Variants in LAMA5 observed in about 807,000 individuals in gnomAD.
LAMA5 encodes the protein laminin subunit alpha-5.
A neutral mutation model predicts 433.4 loss-of-function variants in LAMA5; 260 were observed. The ratio of observed to expected loss-of-function variants is 0.60; its 90% CI spans 0.54 to 0.66. The LOEUF (loss-of-function observed/expected upper bound fraction) is 0.66, where lower values mean the gene tolerates loss of function less well. Among genes scored for constraint, LAMA5 ranks in the 30% least tolerant of loss-of-function variants. The pLI, the probability that LAMA5 is intolerant of heterozygous loss-of-function variation, is 0.00. For synonymous variants in LAMA5, 2,620 were observed against 2,226.6 expected (o/e 1.18, Z -4.97); for missense variants, 5,378 against 5,258.5 (o/e 1.02, Z -0.70).
chr20:62,338,195 T>TC (rs1172943629), intron 13 of LAMA5, 37 bp downstream of exon 13: 5 of 1,570,548 alleles, frequency 3.2e-6, no homozygotes, highest in South Asian at 1.2e-5. Context: ...CCCACGGGCC[T>TC]CCCCTACCCA....
Position 62,342,688 on chromosome 20 carries a change from C to CA in LAMA5, c.1477+3129dup, listed in dbSNP as rs535674622. On this transcript the variant is annotated intron_variant, in intron 11 of 79. Transcript: ENST00000252999. ...AGCGAGACTCCGTCTCAAACAAAAA[C>CA]AAAAAAACAAAAAAAAAAGAAAAGA... Among the ~76,000 whole-genome samples the CA allele has an allele frequency of 3.4e-4, 49 of 145,050 alleles. No individual in the cohort carries two copies. In the South Asian group the frequency reaches 9.4e-3, roughly 28 times the overall value.
rs1329361437 is a variant in LAMA5 at position 62,325,442 on chromosome 20, C to A, written c.5403G>T (p.Gln1801His). Residue 1801 changes from glutamine (Q) to histidine (H), a missense_variant, in exon 41 of 80, where the codon CAG becomes CAT. Coordinates refer to ENST00000252999, the MANE Select transcript of LAMA5 (RefSeq NM_005560.6). ...TGCGCAGGAAGACAGCCGAGGAGAT[C>A]TGTGAGAAGAGGGCACGGATCTGCA... ...EQLQIRALFS[Q>H]ISSAVFLRRV... The A allele has an allele frequency of 6.2e-7, 1 of 1,612,588 alleles. No individual in the cohort carries two copies.
At position 62,327,337 on chromosome 20, in the gene LAMA5, C is replaced by T. The variant is rs759428251; in HGVS notation, c.5008G>A (p.Gly1670Arg). The T allele has an allele frequency of 1.9e-6, 3 of 1,602,072 alleles. No individual in the cohort carries two copies. The South Asian group carries it at 3.3e-5, about 18-fold the overall frequency. Residue 1670 changes from glycine (G) to arginine (R), a missense_variant, in exon 38 of 80, where the codon GGG (glycine) becomes AGG (arginine). Physicochemically the swap from Gly to Arg is moderately radical, Grantham distance 125. Transcript: ENST00000252999. The stretch of plus-strand genomic sequence containing the variant: ...AGGTCTGCACGGAGCATCTCCGTCC[C>T]TGGCTGCCGCTCGTGGGGCACCACC... ...RQVVPHERQP[G>R]TEMLRADLRH... is the part of the protein sequence containing the mutation.
rs778355164 is a variant in LAMA5, at chr20:62,317,390, T to C, written c.7466A>G (p.Glu2489Gly). 6 of 1,610,002 alleles carry C rather than the reference T, an allele frequency of 3.7e-6. No individual in the cohort carries two copies. The South Asian group carries it at 6.6e-5, about 18-fold the overall frequency. ...GSKLRLVEAA[E>G]AHAQQLGQLA... ...CTGGCCCAGCTGCTGTGCGTGGGCC[T>C]CGGCGGCCTCCACTAGACGCAGCTT... The change falls in exon 55 of 80, where the codon GAG becomes GGG. Residue 2489 changes from glutamate to glycine, a missense_variant. Physicochemically the swap from Glu to Gly is moderately conservative, Grantham distance 98. Transcript: ENST00000252999.
chr20:62,310,868 C>T (rs1256879723), intron 74 of LAMA5, 34 bp downstream of exon 74: 1 of 1,603,778 alleles, frequency 6.2e-7, no homozygotes, highest in South Asian at 1.1e-5. Flanking sequence ...GCTGCCAGGC[C>T]CTGCCCACCA....
At chr20:62,345,748 G>T in intron 11 of LAMA5, 70 bp downstream of exon 11, 1 of 1,117,428 alleles carries the variant, frequency 8.9e-7, no homozygotes, top group Non-Finnish European at 1.3e-6. Context: ...CTTTCTCCAG[G>T]AACTTTCTGT....
In LAMA5 at chr20:62,347,389, G is replaced by T. The variant is rs112598203; in HGVS notation, c.957-361C>A. Among the ~76,000 whole-genome samples, 712 of 152,230 alleles carry T rather than the reference G, an allele frequency of 4.7e-3. 7 individuals are homozygous for T. Among genetic ancestry groups the T allele is most frequent in the African/African-American group, 0.016 (678 of 41,548 alleles). ...TCAGTAGAGTCCCCCTTGCCTGCAG[G>T]TCAGGATGGAGACCTGCGTTCTCCA... On this transcript the variant is annotated intron_variant, in intron 6 of 79. Coordinates refer to ENST00000252999, the MANE Select transcript of LAMA5 (RefSeq NM_005560.6).
chr20:62,323,590 G>A lies in LAMA5; in HGVS notation c.5930C>T (p.Pro1977Leu), dbSNP rs746613947. ...QPCDCSGNGD[P>L]NLLFSDCDPL... is the part of the protein sequence containing the mutation. ...GTCGCAGTCGCTGAAGAGCAAGTTGGGGTCACCGTTGCCGCTGCAGTCGCA... is the reference window on the plus strand; with the variant it reads ...GTCGCAGTCGCTGAAGAGCAAGTTGAGGTCACCGTTGCCGCTGCAGTCGCA... The change falls in exon 45 of 80, where the codon CCC becomes CTC. Residue 1977 changes from proline to leucine, a missense_variant. Coordinates refer to ENST00000252999, the MANE Select transcript of LAMA5 (RefSeq NM_005560.6). 1 of 1,610,524 alleles carries A rather than the reference G, an allele frequency of 6.2e-7. No homozygotes were observed. Among genetic ancestry groups the A allele is most frequent in the East Asian group, 2.2e-5 (1 of 44,776 alleles).
chr20:62,318,512 G>T lies in LAMA5; in HGVS notation c.7181C>A (p.Ala2394Asp). Residue 2394 changes from alanine to aspartate, a missense_variant, in exon 53 of 80, where the codon GCC (alanine) becomes GAC (aspartate). By Grantham distance (126) the Ala-to-Asp change is moderately radical. Coordinates refer to ENST00000252999, the MANE Select transcript of LAMA5 (RefSeq NM_005560.6). ...LREALNRAVD[A>D]TREAQELNSR... ...GTTGAGCTCCTGGGCCTCCCGTGTGGCGTCCACTGCCCGGTTCAAAGCCTC... is the reference window on the plus strand; with the variant it reads ...GTTGAGCTCCTGGGCCTCCCGTGTGTCGTCCACTGCCCGGTTCAAAGCCTC... 6.2e-7 allele frequency: 1 copy of T among 1,609,212 alleles called. No homozygotes were observed.
rs1295724338 is a variant in LAMA5 at position 62,320,657 on chromosome 20, T to A, written c.6661A>T (p.Ser2221Cys). 1.2e-6 allele frequency: 2 copies of A among 1,608,028 alleles called. No individual in the cohort carries two copies. Among genetic ancestry groups the A allele is most frequent in the African/African-American group, 2.7e-5 (2 of 74,852 alleles). Reference protein sequence around the residue: ...SIADLQSQLRSPLGPRHETAQ... With the variant: ...SIADLQSQLRCPLGPRHETAQ... ...GTCTCATGGCGGGGGCCCAGGGGGCTCCGGAGCTGGCTCTGTGGGAGGCGA... is the reference window on the plus strand; with the variant it reads ...GTCTCATGGCGGGGGCCCAGGGGGCACCGGAGCTGGCTCTGTGGGAGGCGA... Residue 2221 changes from serine to cysteine, a missense_variant, in exon 50 of 80, where the codon AGC (serine) becomes TGC (cysteine). Physicochemically the swap from Ser to Cys is moderately radical, Grantham distance 112. Coordinates refer to ENST00000252999, the MANE Select transcript of LAMA5 (RefSeq NM_005560.6).
In LAMA5 at chr20:62,331,087, A is replaced by C. The variant is rs1980305167; in HGVS notation, c.3595T>G (p.Phe1199Val). The change falls in exon 29 of 80, where the codon TTC (phenylalanine) becomes GTC (valine). Residue 1199 changes from phenylalanine to valine, a missense_variant. Coordinates refer to ENST00000252999, the MANE Select transcript of LAMA5 (RefSeq NM_005560.6). ...ATGCAGCTGACCCGGGGCTCCACGA[A>C]CTCCGGGCTGAACTCCTCAATGGGC... ...LVPIEEFSPEFVEPRVSCISS... is the reference protein window; with the variant it reads ...LVPIEEFSPEVVEPRVSCISS... 1.9e-6 allele frequency: 3 copies of C among 1,603,374 alleles called. No homozygotes were observed. Among genetic ancestry groups the C allele is most frequent in the East Asian group, 2.2e-5 (1 of 44,628 alleles).
rs371105777 is a variant in LAMA5, at chr20:62,309,633, GA to G, written c.10948+82del. 46 of 629,162 alleles carry G rather than the reference GA, an allele frequency of 7.3e-5. 2 individuals carry two copies. The highest frequency in any genetic ancestry group is 6.4e-4 in the Admixed American group (14 of 21,734). The allele number at this position is 629,162 out of a possible 1,614,324, so 39.0% of individuals were successfully genotyped here. On this transcript the variant is annotated intron_variant, in intron 79 of 79. Transcript: ENST00000252999. ...GGAGGGTGGGAGGGGGCAGGGGGTG[GA>G]GGGGTGGGGGGAGGGTGGTAGGTTA...
At chr20:62,364,264 G>T (rs1986477298) in intron 1 of LAMA5, among the ~76,000 whole-genome samples, 1 of 152,208 alleles carries the variant, frequency 6.6e-6, no homozygotes, top group Admixed American at 6.5e-5. Context: ...GGGGCCAGGG[G>T]CTCCTGGAGA....
chr20:62,315,649 G>C (rs950225983), intron 58 of LAMA5, among the ~76,000 whole-genome samples: 8 of 152,128 alleles, frequency 5.3e-5, no homozygotes, highest in African/African-American at 1.7e-4. Flanking sequence ...GTGCCCTCCT[G>C]GGTGCCCTTC....
chr20:62,311,581 G>T (rs536879227), intron 71 of LAMA5, 33 bp downstream of exon 71: 78 of 1,609,328 alleles, frequency 4.8e-5, no homozygotes, highest in Non-Finnish European at 5.6e-5. Flanking sequence ...AAGGCCAGCT[G>T]GGACCTTGTC....
rs1568920602 is a variant in LAMA5 at position 62,322,311 on chromosome 20, AC to A, written c.6303del (p.Glu2101AspfsTer108). 1 of 1,599,848 alleles carries A rather than the reference AC, an allele frequency of 6.3e-7. No individual in the cohort carries two copies. Among genetic ancestry groups the A allele is most frequent in the Non-Finnish European group, 8.5e-7 (1 of 1,175,498 alleles). On this transcript the variant is annotated frameshift_variant, in exon 47 of 80. Coordinates refer to ENST00000252999, the MANE Select transcript of LAMA5 (RefSeq NM_005560.6). LOFTEE classifies it high-confidence loss of function. ...RPGTMGPQCR[E>X]CAPGYWGLPE... ...GGGAGCCCCCAGTAGCCAGGGGCAC[AC>A]TCGCGGCACTGGGGTCCCATGGTCC...
intron 45 of LAMA5, 25 bp downstream of exon 45, chr20:62,323,431 G>A: frequency 2.0e-6 from 3 of 1,511,100 alleles, no homozygotes; most frequent in South Asian, 1.2e-5. Context: ...TCCCCAGGGT[G>A]CATCCCTCCC....
At chr20:62,339,547 G>C (rs1195470365) in intron 11 of LAMA5, among the ~76,000 whole-genome samples, 1 of 152,104 alleles carries the variant, frequency 6.6e-6, no homozygotes, top group Non-Finnish European at 1.5e-5. Flanking sequence ...TCAGGTGTTG[G>C]GAAGAAGGTA....
rs866360956 is a variant in LAMA5 at position 62,339,445 on chromosome 20, C to A, written c.1478-837G>T. 4.0e-5 allele frequency among the ~76,000 whole-genome samples: 6 copies of A among 151,898 alleles called. 1 individual carries two copies. Among genetic ancestry groups the A allele is most frequent in the Admixed American group, 2.0e-4 (3 of 15,248 alleles). On this transcript the variant is annotated intron_variant, in intron 11 of 79. Transcript: ENST00000252999. ...TAGAGACGGGGTTTCACTATGTTAG[C>A]CAGGACGGTCTCCATCTCCTGACCA...
Sources: allele counts gnomAD v4.1 joint callset (sites outside exome capture counted in the v4.1 genomes callset), GRCh38; gene constraint gnomAD v4.1.1; transcripts MANE v1.5; gene names NCBI Gene and HGNC (gene_info 2026-07-23, HGNC 2026-07-21).